EPHB2: variants seen among roughly 807,000 people sequenced by gnomAD.
EPHB2 encodes the protein EPH receptor B2, also known as ephrin type-B receptor 2.
Under a neutral mutation model 96.4 loss-of-function variants are expected in EPHB2, and 18 were observed. The ratio of observed to expected loss-of-function variants is 0.19; its 90% confidence interval spans 0.13 to 0.28. The LOEUF is 0.28. Among genes scored for constraint, EPHB2 ranks in the 10% least tolerant of loss-of-function variants. The pLI is 1.00. For missense variants in EPHB2, 989 were observed against 1,355.4 expected (o/e 0.73, Z 4.25); for synonymous variants, 506 against 534.1 (o/e 0.95, Z 0.72).
intron 6 of EPHB2, chr1:22,891,168 CAG>C: frequency 2.2e-6 from 1 of 456,066 alleles, no homozygotes; most frequent in Non-Finnish European, 4.4e-6. Flanking sequence ...CCCAAGGTCA[CAG>C]AGGTCATATA....
chr1:22,749,252 C>T lies in EPHB2; in HGVS notation c.62-32169C>T, dbSNP rs141958823. Among the ~76,000 whole-genome samples, 511 of 152,224 alleles carry T rather than the reference C, an allele frequency of 3.4e-3. 2 individuals carry two copies. The highest frequency in any genetic ancestry group is 6.2e-3 in the Non-Finnish European group (425 of 68,008). On this transcript the variant is annotated intron_variant, in intron 1 of 15. Coordinates refer to ENST00000374630, the MANE Select transcript of EPHB2 (RefSeq NM_017449.5). ...GCCAGGCTGGTCTCGAACTCCTGAC[C>T]TCAAGCGATCTGCCCACCTTGGCTT...
At chr1:22,852,699 G>C (rs1283275225) in intron 3 of EPHB2, among the ~76,000 whole-genome samples, 2 of 152,200 alleles carry the variant, frequency 1.3e-5, no homozygotes, top group African/African-American at 2.4e-5. Flanking sequence ...GGGAGACTGT[G>C]AGCTCCCCCT....
At chr1:22,808,066 G>A (rs182164350) in intron 3 of EPHB2, among the ~76,000 whole-genome samples, 407 of 152,170 alleles carry the variant, frequency 2.7e-3, no homozygotes, top group Non-Finnish European at 5.1e-3. Context: ...CCTGGGAGAC[G>A]GAGGTTGCAG....
chr1:22,724,737 C>T (rs1643544741), intron 1 of EPHB2, among the ~76,000 whole-genome samples: 1 of 152,172 alleles, frequency 6.6e-6, no homozygotes, highest in Non-Finnish European at 1.5e-5. Flanking sequence ...CACCCAGCTG[C>T]CGCAGGACAT....
intron 5 of EPHB2, among the ~76,000 whole-genome samples, chr1:22,867,994 G>T (rs112382169): frequency 1.1e-4 from 17 of 152,220 alleles, no homozygotes; most frequent in African/African-American, 2.4e-4. Context: ...GCCCCCAAAG[G>T]GGGTGGTGGA....
At chr1:22,829,181 C>T (rs746215967) in intron 3 of EPHB2, among the ~76,000 whole-genome samples, 2 of 152,250 alleles carry the variant, frequency 1.3e-5, no homozygotes, top group African/African-American at 4.8e-5. Context: ...GTGAAGTGGG[C>T]GGATCCACTA....
At chr1:22,774,133 C>T (rs1644415600) in intron 1 of EPHB2, among the ~76,000 whole-genome samples, 1 of 152,206 alleles carries the variant, frequency 6.6e-6, no homozygotes, top group African/African-American at 2.4e-5. Context: ...CCTCTCCTCC[C>T]AGCTCACATG....
chr1:22,858,618 G>A lies in EPHB2; in HGVS notation c.812-4419G>A, dbSNP rs2148517846. Among the ~76,000 whole-genome samples the A allele has an allele frequency of 6.6e-6, 1 of 152,318 alleles. No homozygotes were observed. Among genetic ancestry groups the A allele is most frequent in the East Asian group, 1.9e-4 (1 of 5,184 alleles). On this transcript the variant is annotated intron_variant, in intron 3 of 15. Transcript: ENST00000374630. This position sits in a 1 kb window ranked among gnomAD's most constrained non-coding sequence, Gnocchi z 7.7. ...CCACTTCTGCACGTGACATGCAGGT[G>A]CCAGCAGGACAGGTTCCCTTCCCAC...
At chr1:22,863,272 G>C (rs778958746) in intron 4 of EPHB2, 80 bp downstream of exon 4, 4 of 1,600,550 alleles carry the variant, frequency 2.5e-6, no homozygotes, top group Non-Finnish European at 3.4e-6. Flanking sequence ...TGAGGATTGG[G>C]TGCCGTCCGG....
At chr1:22,792,208 C>T (rs969797008) in intron 3 of EPHB2, among the ~76,000 whole-genome samples, 3 of 132,160 alleles carry the variant, frequency 2.3e-5, no homozygotes, top group African/African-American at 5.5e-5. Context: ...GGGTGGGGTG[C>T]GGTCAATGGG....
At chr1:22,851,731 C>T (rs1336326105) in intron 3 of EPHB2, among the ~76,000 whole-genome samples, 1 of 152,252 alleles carries the variant, frequency 6.6e-6, no homozygotes, top group Admixed American at 6.5e-5. Context: ...TGGCCTTGAA[C>T]CTCACGTGCT....
chr1:22,771,086 G>C (rs1644374822), intron 1 of EPHB2, among the ~76,000 whole-genome samples: 1 of 152,194 alleles, frequency 6.6e-6, no homozygotes, highest in Non-Finnish European at 1.5e-5. Flanking sequence ...GATGTCAGCA[G>C]GAAAGAGCAT....
chr1:22,906,692 T>C lies in EPHB2; in HGVS notation c.1889-18T>C. On this transcript the variant is annotated intron_variant, in intron 10 of 15. Transcript: ENST00000374630. The surrounding 1 kb of genome is among the most constrained non-coding windows in gnomAD (Gnocchi z 4.8). ...CCTGGCAAGTGACATCCTGTCTGTCTTGGTGTTTCTCTCTCAGGGGAGTTT... is the reference window on the plus strand; with the variant it reads ...CCTGGCAAGTGACATCCTGTCTGTCCTGGTGTTTCTCTCTCAGGGGAGTTT... 3 of 1,614,094 alleles carry C rather than the reference T, an allele frequency of 1.9e-6. No individual in the cohort carries two copies. The highest frequency in any genetic ancestry group is 2.5e-6 in the Non-Finnish European group (3 of 1,180,024).
intron 3 of EPHB2, among the ~76,000 whole-genome samples, chr1:22,788,647 T>C (rs1412494477): frequency 6.6e-6 from 1 of 152,228 alleles, no homozygotes; most frequent in Non-Finnish European, 1.5e-5. Context: ...AGTGCAGGTT[T>C]CTGGGTCTGA....
At chr1:22,800,771 G>C (rs1334942384) in intron 3 of EPHB2, among the ~76,000 whole-genome samples, 1 of 148,456 alleles carries the variant, frequency 6.7e-6, no homozygotes, top group Non-Finnish European at 1.5e-5. Flanking sequence ...GTGTGTATGT[G>C]ACACACACAC....
chr1:22,736,358 C>T (rs1168177295), intron 1 of EPHB2, among the ~76,000 whole-genome samples: 1 of 152,136 alleles, frequency 6.6e-6, no homozygotes, highest in Non-Finnish European at 1.5e-5. Flanking sequence ...GGTGCTGGGC[C>T]CAGAGACGTA....
chr1:22,781,355 C>T, intron 1 of EPHB2, 66 bp from the exon 2 acceptor site: 2 of 1,476,598 alleles, frequency 1.4e-6, no homozygotes, highest in Non-Finnish European at 1.9e-6. Flanking sequence ...AGGATGAGGG[C>T]CCAACAGAAA....
chr1:22,839,718 C>G (rs143943269), intron 3 of EPHB2, among the ~76,000 whole-genome samples: 1 of 152,246 alleles, frequency 6.6e-6, no homozygotes, highest in Non-Finnish European at 1.5e-5. Context: ...TGAAGGACAT[C>G]TATGAACTGA....
At chr1:22,834,071 G>T (rs1010265503) in intron 3 of EPHB2, among the ~76,000 whole-genome samples, 2 of 151,478 alleles carry the variant, frequency 1.3e-5, no homozygotes, top group African/African-American at 4.9e-5. Context: ...AGATACACTT[G>T]TAAGAAGAAA....
Sources: allele counts gnomAD v4.1 joint callset (sites outside exome capture counted in the v4.1 genomes callset), GRCh38; gene constraint gnomAD v4.1.1; non-coding constraint Gnocchi (gnomAD v3.1); transcripts MANE v1.5; gene names NCBI Gene and HGNC (gene_info 2026-07-23, HGNC 2026-07-21).